Variants in IQCM observed in about 807,000 individuals in gnomAD.
IQCM encodes the protein IQ motif containing M.
IQCM carries 45 observed loss-of-function variants against 57.6 expected under a neutral mutation model. That is an observed-to-expected ratio of 0.78 (90% CI 0.62 to 1.00). IQCM has a LOEUF of 1.00. Ranked by LOEUF, IQCM falls within the 50% of genes least tolerant of loss-of-function variation. IQCM has a pLI of 0.00. For missense variants in IQCM, 468 were observed against 511.6 expected (o/e 0.91, Z 0.82); for synonymous variants, 148 against 158.9 (o/e 0.93, Z 0.51).
At chr4:149,356,197 C>A (rs1358772823) in intron 13 of IQCM, among the ~76,000 whole-genome samples, 2 of 152,106 alleles carry the variant, frequency 1.3e-5, no homozygotes, top group Non-Finnish European at 2.9e-5. Context: ...TGTAGGTTGC[C>A]TGTTCACTCT....
At chr4:149,801,771 T>G (rs1359863649) in intron 2 of IQCM, among the ~76,000 whole-genome samples, 1 of 151,682 alleles carries the variant, frequency 6.6e-6, no homozygotes, top group Non-Finnish European at 1.5e-5. Context: ...GGAGGGAAGG[T>G]GAGGATGATT....
intron 7 of IQCM, among the ~76,000 whole-genome samples, chr4:149,645,176 C>T (rs562945996): frequency 6.6e-6 from 1 of 152,256 alleles, no homozygotes; most frequent in South Asian, 2.1e-4. Context: ...ATGTCTTATA[C>T]ATGTAGGTTT....
intron 7 of IQCM, among the ~76,000 whole-genome samples, chr4:149,671,465 G>A (rs1026545376): frequency 6.6e-6 from 1 of 151,998 alleles, no homozygotes; most frequent in Non-Finnish European, 1.5e-5. Flanking sequence ...GTTTTTTTGT[G>A]TCTCTATTTC....
intron 13 of IQCM, among the ~76,000 whole-genome samples, chr4:149,380,140 G>A (rs996806090): frequency 1.3e-5 from 2 of 152,044 alleles, no homozygotes; most frequent in Non-Finnish European, 2.9e-5. Flanking sequence ...AAATTGCCCA[G>A]TCTCAGCTAT....
intron 13 of IQCM, among the ~76,000 whole-genome samples, chr4:149,356,302 G>C (rs1049827143): frequency 7.2e-5 from 11 of 152,118 alleles, no homozygotes; most frequent in African/African-American, 2.7e-4. Flanking sequence ...TGGTGTTTTA[G>C]ACATGAAGTC....
In IQCM at chr4:149,587,929, C is replaced by A. The variant is rs1002897245; in HGVS notation, c.749+1G>T. On this transcript the variant is annotated splice_donor_variant, in intron 9 of 13. Coordinates refer to ENST00000636793, the MANE Select transcript of IQCM (RefSeq NM_001363507.2). LOFTEE classifies it high-confidence loss of function. ...ACTTTTCTATTATATAAAAGATATACCTGGGTTGTGATTTTGGTTCTGGCT... is the reference window on the plus strand; with the variant it reads ...ACTTTTCTATTATATAAAAGATATAACTGGGTTGTGATTTTGGTTCTGGCT... 1 of 1,208,432 alleles carries A rather than the reference C, an allele frequency of 8.3e-7. No homozygotes were observed. Among genetic ancestry groups the A allele is most frequent in the African/African-American group, 1.6e-5 (1 of 63,578 alleles). 74.9% of individuals were successfully genotyped at this position (1,208,432 alleles called of 1,614,324 possible). A position where few individuals can be genotyped will look rare whatever the true frequency, so the allele number is the denominator to read the frequency against.
chr4:149,600,035 C>G (rs909506215), intron 8 of IQCM, among the ~76,000 whole-genome samples: 1 of 151,858 alleles, frequency 6.6e-6, no homozygotes, highest in Non-Finnish European at 1.5e-5. Flanking sequence ...TAAGGGAGCC[C>G]CCTGAGTAGT....
chr4:149,572,759 A>G (rs1751284170), intron 9 of IQCM, among the ~76,000 whole-genome samples: 1 of 152,034 alleles, frequency 6.6e-6, no homozygotes. Flanking sequence ...TACATATAGA[A>G]AAATGTTTCA....
At chr4:149,636,028 T>C (rs1757687479) in intron 7 of IQCM, among the ~76,000 whole-genome samples, 1 of 151,668 alleles carries the variant, frequency 6.6e-6, no homozygotes, top group South Asian at 2.1e-4. Flanking sequence ...ACACGTAGAG[T>C]TCTATGTTTA....
intron 12 of IQCM, among the ~76,000 whole-genome samples, chr4:149,531,817 T>A (rs910181901): frequency 6.6e-6 from 1 of 152,154 alleles, no homozygotes; most frequent in Non-Finnish European, 1.5e-5. Flanking sequence ...AGAATAATGA[T>A]CTTTTTAATA....
At chr4:149,443,165 C>T (rs938496448) in intron 12 of IQCM, among the ~76,000 whole-genome samples, 1 of 151,980 alleles carries the variant, frequency 6.6e-6, no homozygotes, top group African/African-American at 2.4e-5. Context: ...TTTTAAAGCC[C>T]TTTCAACTCA....
chr4:149,524,207 T>A (rs1745937644), intron 12 of IQCM, among the ~76,000 whole-genome samples: 1 of 152,140 alleles, frequency 6.6e-6, no homozygotes, highest in Non-Finnish European at 1.5e-5. Context: ...GACAAATTAT[T>A]CTATGGTAAT....
At chr4:149,545,162 A>G (rs1748262031) in intron 12 of IQCM, among the ~76,000 whole-genome samples, 2 of 152,190 alleles carry the variant, frequency 1.3e-5, no homozygotes, top group Non-Finnish European at 2.9e-5. Flanking sequence ...CTTAGATCCC[A>G]GTTTCTATCA....
intron 13 of IQCM, among the ~76,000 whole-genome samples, chr4:149,431,901 C>G (rs910841854): frequency 1.3e-5 from 2 of 151,120 alleles, no homozygotes; most frequent in Admixed American, 1.3e-4. Context: ...TGTGTTGTTT[C>G]CAGCTTTTGG....
Position 149,649,000 on chromosome 4 carries a change from G to A in IQCM, c.566-27756C>T, listed in dbSNP as rs189646107. Among the ~76,000 whole-genome samples, 23 of 151,996 alleles carry A rather than the reference G, an allele frequency of 1.5e-4. No individual in the cohort carries two copies. In the East Asian group the frequency reaches 2.1e-3, roughly 14 times the overall value. On this transcript the variant is annotated intron_variant, in intron 7 of 13. Coordinates refer to ENST00000636793, the MANE Select transcript of IQCM (RefSeq NM_001363507.2). Reference sequence around the variant, plus strand: ...TCACATTTCCTTATGCCAGCATCTCGGGCATTGCCAGTTGGAAATCATCTT... The same window carrying A: ...TCACATTTCCTTATGCCAGCATCTCAGGCATTGCCAGTTGGAAATCATCTT...
At chr4:149,645,374 T>C (rs1758546609) in intron 7 of IQCM, among the ~76,000 whole-genome samples, 1 of 152,246 alleles carries the variant, frequency 6.6e-6, no homozygotes. Context: ...TTTTCCTATA[T>C]TGTCTGCAGA....
rs539785534 is a variant in IQCM at position 149,604,370 on chromosome 4, C to T, written c.682-16373G>A. 2.0e-5 allele frequency among the ~76,000 whole-genome samples: 3 copies of T among 152,220 alleles called. No individual in the cohort carries two copies. In the South Asian group the frequency reaches 6.2e-4, roughly 32 times the overall value. ...CTGCTGCATGTGTTATAAAACTTTG[C>T]CTTTATGTAGCTCTATATTTGTTAT... On this transcript the variant is annotated intron_variant, in intron 8 of 13. Transcript: ENST00000636793.
At chr4:149,369,914 G>A (rs1730244099) in intron 13 of IQCM, among the ~76,000 whole-genome samples, 1 of 151,984 alleles carries the variant, frequency 6.6e-6, no homozygotes, top group Non-Finnish European at 1.5e-5. Flanking sequence ...ATTAATTTAG[G>A]AGACAAGGTC....
At chr4:149,598,912 G>A (rs1234208997) in intron 8 of IQCM, among the ~76,000 whole-genome samples, 1 of 152,134 alleles carries the variant, frequency 6.6e-6, no homozygotes, top group Non-Finnish European at 1.5e-5. Flanking sequence ...GCTGCTTATA[G>A]CTAGTGGCAA....
Sources: allele counts gnomAD v4.1 joint callset (sites outside exome capture counted in the v4.1 genomes callset), GRCh38; gene constraint gnomAD v4.1.1; transcripts MANE v1.5; gene names NCBI Gene and HGNC (gene_info 2026-07-23, HGNC 2026-07-21).